Variants in KCTD8 observed in about 807,000 individuals in gnomAD.
KCTD8 encodes the protein potassium channel tetramerization domain containing 8.
Under a neutral mutation model 31.5 loss-of-function variants are expected in KCTD8, and 27 were observed. The ratio of observed to expected loss-of-function variants is 0.86; its 90% confidence interval spans 0.63 to 1.18. KCTD8 has a LOEUF of 1.18. KCTD8 is among the 50% of genes most tolerant of loss of function. The pLI is 0.00. For synonymous variants in KCTD8, 290 were observed against 280.0 expected, an observed-to-expected ratio of 1.04 and a Z score of -0.36; for missense variants, 658 against 647.7, an observed-to-expected ratio of 1.02 and a Z score of -0.17.
In KCTD8 at chr4:44,447,746, G is replaced by C. The variant is rs1300386169; in HGVS notation, c.778C>G (p.Arg260Gly). 2 of 1,612,122 alleles carry C rather than the reference G, an allele frequency of 1.2e-6. No homozygotes were observed. Among genetic ancestry groups the C allele is most frequent in the Non-Finnish European group, 1.7e-6 (2 of 1,179,220 alleles). Reference protein sequence around the residue: ...DTLNESRDPDRQPEKYTSRFY... With the variant: ...DTLNESRDPDGQPEKYTSRFY... ...CGGGACGTGTACTTCTCCGGCTGCCGGTCGGGGTCGCGGCTCTCGTTGAGC... is the reference window on the plus strand; with the variant it reads ...CGGGACGTGTACTTCTCCGGCTGCCCGTCGGGGTCGCGGCTCTCGTTGAGC... Residue 260 changes from arginine (R) to glycine (G), a missense_variant, in exon 1 of 2, where the codon CGG becomes GGG. Arg to Gly is a moderately radical substitution (Grantham distance 125). Transcript: ENST00000360029.
At chr4:44,284,102 T>G (rs1346124732) in intron 1 of KCTD8, among the ~76,000 whole-genome samples, 2 of 152,146 alleles carry the variant, frequency 1.3e-5, no homozygotes, top group Non-Finnish European at 2.9e-5. Flanking sequence ...ACAACTGACT[T>G]TCTTCACAGA....
At chr4:44,363,097 G>A (rs920911961) in intron 1 of KCTD8, among the ~76,000 whole-genome samples, 1 of 151,998 alleles carries the variant, frequency 6.6e-6, no homozygotes, top group African/African-American at 2.4e-5. Context: ...TAACCAAGGA[G>A]CTGGAGGAAT....
chr4:44,384,845 AC>A (rs1180172995), intron 1 of KCTD8, among the ~76,000 whole-genome samples: 1 of 151,798 alleles, frequency 6.6e-6, no homozygotes, highest in Admixed American at 6.6e-5. Flanking sequence ...TATGCTAATT[AC>A]CCCAATTTTA....
At chr4:44,219,607 A>G (rs1365796077) in intron 1 of KCTD8, among the ~76,000 whole-genome samples, 4 of 152,302 alleles carry the variant, frequency 2.6e-5, no homozygotes, top group Non-Finnish European at 5.9e-5. Flanking sequence ...GAAGCTAGGG[A>G]TGATTCTACC....
In KCTD8 at chr4:44,174,886, CTT is replaced by C; in HGVS notation, c.1324_1325del (p.Lys442ValfsTer6). The C allele has an allele frequency of 6.2e-7, 1 of 1,614,102 alleles. No individual in the cohort carries two copies. The highest frequency in any genetic ancestry group is 8.5e-7 in the Non-Finnish European group (1 of 1,179,974). On this transcript the variant is annotated frameshift_variant, in exon 2 of 2. Coordinates refer to ENST00000360029, the MANE Select transcript of KCTD8 (RefSeq NM_198353.3). LOFTEE classifies it high-confidence loss of function. ...EKLSVEEEMK[K>X]CIQDFKKIHI... ...GGATTTTTTTAAAATCCTGAATACA[CTT>C]TTTCATTTCTTCTTCCACACTTAGC... is the stretch of plus-strand genomic sequence containing the variant.
At chr4:44,375,282 T>C (rs1719891014) in intron 1 of KCTD8, among the ~76,000 whole-genome samples, 1 of 152,050 alleles carries the variant, frequency 6.6e-6, no homozygotes, top group Non-Finnish European at 1.5e-5. Context: ...AGAAAGTATC[T>C]GAGGCAGGGG....
chr4:44,222,661 C>A (rs1334852287), intron 1 of KCTD8, among the ~76,000 whole-genome samples: 1 of 152,164 alleles, frequency 6.6e-6, no homozygotes, highest in Non-Finnish European at 1.5e-5. Flanking sequence ...TAATCTCAGG[C>A]AAATTATTTC....
chr4:44,350,871 C>G (rs897240685), intron 1 of KCTD8, among the ~76,000 whole-genome samples: 3 of 152,128 alleles, frequency 2.0e-5, no homozygotes, highest in African/African-American at 7.2e-5. Context: ...CTTCATTTCT[C>G]CTCCTATGTT....
intron 1 of KCTD8, among the ~76,000 whole-genome samples, chr4:44,261,994 A>G (rs1268977712): frequency 1.3e-5 from 2 of 152,086 alleles, no homozygotes; most frequent in Non-Finnish European, 2.9e-5. Context: ...TTCAAATTTC[A>G]ATGTTAGAAA....
At chr4:44,351,721 C>T (rs1472714272) in intron 1 of KCTD8, among the ~76,000 whole-genome samples, 6 of 151,968 alleles carry the variant, frequency 3.9e-5, no homozygotes, top group African/African-American at 1.4e-4. Context: ...ATCATAAGAT[C>T]CTTGAAATAA....
At chr4:44,269,203 TG>T (rs928197726) in intron 1 of KCTD8, among the ~76,000 whole-genome samples, 5 of 152,210 alleles carry the variant, frequency 3.3e-5, no homozygotes, top group African/African-American at 1.2e-4. Context: ...ATATGATCAA[TG>T]GAACAGAACA....
At chr4:44,254,706 T>G (rs377048535) in intron 1 of KCTD8, among the ~76,000 whole-genome samples, 1 of 151,966 alleles carries the variant, frequency 6.6e-6, no homozygotes, top group African/African-American at 2.4e-5. Context: ...TGGGTGACTA[T>G]CAGGGTGAGA....
intron 1 of KCTD8, among the ~76,000 whole-genome samples, chr4:44,336,535 G>A (rs887160088): frequency 4.6e-5 from 7 of 151,926 alleles, no homozygotes; most frequent in African/African-American, 1.7e-4. Context: ...ATCGAAAAAT[G>A]TTATTTCAGG....
chr4:44,210,282 A>G (rs929481082), intron 1 of KCTD8, among the ~76,000 whole-genome samples: 1 of 152,200 alleles, frequency 6.6e-6, no homozygotes, highest in South Asian at 2.1e-4. Context: ...TTTCCCAATT[A>G]TCTAATTCTA....
At chr4:44,406,842 A>G (rs1720809493) in intron 1 of KCTD8, among the ~76,000 whole-genome samples, 1 of 152,214 alleles carries the variant, frequency 6.6e-6, no homozygotes, top group Admixed American at 6.5e-5. Flanking sequence ...TCAAATTTAC[A>G]TGTTGTATTT....
At chr4:44,328,833 G>T (rs1275897552) in intron 1 of KCTD8, among the ~76,000 whole-genome samples, 2 of 151,724 alleles carry the variant, frequency 1.3e-5, no homozygotes, top group Non-Finnish European at 2.9e-5. Context: ...TTTCATTATT[G>T]ACTGTCAGTA....
chr4:44,422,897 G>A (rs1404008116), intron 1 of KCTD8, among the ~76,000 whole-genome samples: 3 of 152,058 alleles, frequency 2.0e-5, no homozygotes, highest in Non-Finnish European at 2.9e-5. Context: ...TGGTAGAGGT[G>A]GCTGTTGTGG....
At chr4:44,320,811 T>C (rs1490694424) in intron 1 of KCTD8, among the ~76,000 whole-genome samples, 1 of 139,066 alleles carries the variant, frequency 7.2e-6, no homozygotes, top group Non-Finnish European at 1.5e-5. Context: ...CACTGTTTAT[T>C]CCTGATTCTT....
intron 1 of KCTD8, among the ~76,000 whole-genome samples, chr4:44,422,008 CTTCT>C (rs1721224045): frequency 1.3e-5 from 2 of 152,024 alleles, no homozygotes; most frequent in Non-Finnish European, 1.5e-5. Flanking sequence ...CATGCCATTC[CTTCT>C]TTCTTTGATT....
Sources: allele counts gnomAD v4.1 joint callset (sites outside exome capture counted in the v4.1 genomes callset), GRCh38; gene constraint gnomAD v4.1.1; transcripts MANE v1.5; gene names NCBI Gene and HGNC (gene_info 2026-07-23, HGNC 2026-07-21).